Variants in GOLGA5 observed in about 807,000 individuals in gnomAD.
The protein encoded by GOLGA5 is golgin subfamily A member 5.
GOLGA5 carries 50 observed loss-of-function variants against 93.5 expected under a neutral mutation model. The observed-to-expected ratio is 0.53, with a 90% confidence interval of 0.43 to 0.68. The LOEUF is 0.68. Ranked by LOEUF, GOLGA5 falls within the 30% of genes least tolerant of loss-of-function variation. GOLGA5 has a pLI of 0.00. For synonymous variants in GOLGA5, 312 were observed against 304.5 expected (o/e 1.02, Z -0.26); for missense variants, 760 against 856.4 (o/e 0.89, Z 1.40).
Position 92,810,348 on chromosome 14 carries a change from A to G in GOLGA5, c.1087A>G (p.Arg363Gly). Reference sequence around the variant, plus strand: ...GCATGAAGCGGATGCCACTCTGAAGAGAGAGCAGGAGAGCTATAAACAGAT... The same window carrying G: ...GCATGAAGCGGATGCCACTCTGAAGGGAGAGCAGGAGAGCTATAAACAGAT... ...RLHEADATLK[R>G]EQESYKQMQS... is the part of the protein sequence containing the mutation. The change falls in exon 5 of 13, where the codon AGA (arginine) becomes GGA (glycine). Residue 363 changes from arginine (R) to glycine (G), a missense_variant. Coordinates refer to ENST00000163416, the MANE Select transcript of GOLGA5 (RefSeq NM_005113.4). 6.2e-7 allele frequency: 1 copy of G among 1,606,444 alleles called. No individual in the cohort carries two copies. Among genetic ancestry groups the G allele is most frequent in the Non-Finnish European group, 8.5e-7 (1 of 1,177,226 alleles).
rs1267437836 is a variant in GOLGA5 at position 92,837,416 on chromosome 14, C to T, written c.2082C>T (p.Tyr694=). 1 of 1,540,170 alleles carries T rather than the reference C, an allele frequency of 6.5e-7. No homozygotes were observed. The highest frequency in any genetic ancestry group is 9.0e-7 in the Non-Finnish European group (1 of 1,113,262). The change falls in exon 12 of 13, where the codon TAC becomes TAT. Residue 694 remains tyrosine, a synonymous_variant. Coordinates refer to ENST00000163416, the MANE Select transcript of GOLGA5 (RefSeq NM_005113.4). ...SIRLGIFLRR[Y]PIARVFVIIY... is the part of the protein sequence containing the mutation. ...GCCTGGGAATTTTTCTCCGAAGATA[C>T]CCCATAGCGCGAGTTTTTGTAATTA...
chr14:92,795,724 G>A (rs981706345), intron 1 of GOLGA5, among the ~76,000 whole-genome samples: 3 of 68,124 alleles, frequency 4.4e-5, no homozygotes, highest in African/African-American at 2.2e-4. Context: ...AGAACAAGAA[G>A]CATGTTAAAA....
intron 11 of GOLGA5, 84 bp from the exon 12 acceptor site, chr14:92,837,302 G>T: frequency 1.4e-6 from 1 of 695,904 alleles, no homozygotes; most frequent in Non-Finnish European, 2.5e-6. Flanking sequence ...AAATTTATCA[G>T]CATCATTAGA....
chr14:92,832,198 T>G (rs1885544946), intron 9 of GOLGA5, among the ~76,000 whole-genome samples: 1 of 152,150 alleles, frequency 6.6e-6, no homozygotes, highest in South Asian at 2.1e-4. Context: ...GTATGTTGAT[T>G]AGGGGATCAC....
Position 92,833,353 on chromosome 14 carries a change from C to G in GOLGA5, c.1945+6C>G, listed in dbSNP as rs747632333. ...TGGAATTGACAATGGTGAAGGTAAT[C>G]AAAAAAGGAATCTCAAAAGAACATT... On this transcript the variant is annotated splice_donor_region_variant and intron_variant, in intron 10 of 12. Coordinates refer to ENST00000163416, the MANE Select transcript of GOLGA5 (RefSeq NM_005113.4). 1.1e-5 allele frequency: 17 copies of G among 1,507,842 alleles called. No homozygotes were observed. Among genetic ancestry groups the G allele is most frequent in the Admixed American group, 1.0e-4 (6 of 58,238 alleles). The allele number at this position is 1,507,842 out of a possible 1,614,324, so 93.4% of individuals were successfully genotyped here. A position where few individuals can be genotyped will look rare whatever the true frequency, so the allele number is the denominator to read the frequency against.
At chr14:92,818,834 A>G (rs1490008286) in intron 7 of GOLGA5, among the ~76,000 whole-genome samples, 5 of 152,250 alleles carry the variant, frequency 3.3e-5, no homozygotes, top group Admixed American at 3.3e-4. Context: ...GAAAATATAG[A>G]AACCTAGAGC....
chr14:92,830,584 G>C (rs972698479), intron 9 of GOLGA5, among the ~76,000 whole-genome samples: 2 of 151,470 alleles, frequency 1.3e-5, no homozygotes, highest in African/African-American at 4.9e-5. Flanking sequence ...ACAGTATATT[G>C]TAAATACAGC....
chr14:92,813,609 A>T (rs1480477845), intron 6 of GOLGA5, among the ~76,000 whole-genome samples: 1 of 152,226 alleles, frequency 6.6e-6, no homozygotes, highest in Non-Finnish European at 1.5e-5. Flanking sequence ...GATGGGAGGC[A>T]AAAGACTCAT....
chr14:92,836,930 G>A (rs1298698071), intron 11 of GOLGA5, among the ~76,000 whole-genome samples: 1 of 152,120 alleles, frequency 6.6e-6, no homozygotes, highest in Non-Finnish European at 1.5e-5. Context: ...AGCCAGGCGT[G>A]GTGGTAGTGG....
At chr14:92,816,487 T>G (rs1290307078) in intron 7 of GOLGA5, 66 bp downstream of exon 7, 1 of 1,337,982 alleles carries the variant, frequency 7.5e-7, no homozygotes, top group Non-Finnish European at 1.1e-6. Context: ...GTTTGAGAGG[T>G]GGGGAAACAG....
At chr14:92,837,333 T>C in intron 11 of GOLGA5, 53 bp from the exon 12 acceptor site, 1 of 855,446 alleles carries the variant, frequency 1.2e-6, no homozygotes, top group Admixed American at 2.2e-5. Context: ...GGAAGATTTG[T>C]TTTGACTGTG....
At chr14:92,823,930 A>G (rs1885365528) in intron 8 of GOLGA5, among the ~76,000 whole-genome samples, 1 of 152,050 alleles carries the variant, frequency 6.6e-6, no homozygotes, top group Non-Finnish European at 1.5e-5. Flanking sequence ...GTTTTAAAGT[A>G]TTCTTTATAT....
intron 11 of GOLGA5, among the ~76,000 whole-genome samples, chr14:92,837,020 G>A (rs1288496887): frequency 2.0e-5 from 3 of 151,746 alleles, no homozygotes; most frequent in Non-Finnish European, 4.4e-5. Context: ...GCCGTGGGCA[G>A]AGATCGCGCC....
intron 8 of GOLGA5, among the ~76,000 whole-genome samples, chr14:92,821,538 A>G (rs1595599761): frequency 6.6e-6 from 1 of 152,294 alleles, no homozygotes; most frequent in East Asian, 1.9e-4. Context: ...CTTATTTCCT[A>G]CTCACAAGTA....
chr14:92,802,679 G>T (rs1319030870), intron 2 of GOLGA5, among the ~76,000 whole-genome samples: 31 of 151,252 alleles, frequency 2.0e-4, no homozygotes, highest in Admixed American at 2.0e-3. Flanking sequence ...CTCTACCCTT[G>T]GAGATAATAT....
chr14:92,809,749 T>C (rs186744516), intron 4 of GOLGA5, among the ~76,000 whole-genome samples: 147 of 152,072 alleles, frequency 9.7e-4, no homozygotes, highest in Non-Finnish European at 1.3e-3. Flanking sequence ...AGGTTGGGAG[T>C]TCGAGACCAG....
At chr14:92,834,672 A>T (rs1321335670) in intron 10 of GOLGA5, among the ~76,000 whole-genome samples, 2 of 152,232 alleles carry the variant, frequency 1.3e-5, no homozygotes, top group Non-Finnish European at 2.9e-5. Context: ...AGCTTAGAAT[A>T]GGCCGTTGAG....
intron 9 of GOLGA5, 46 bp downstream of exon 9, chr14:92,824,690 G>C (rs1197386745): frequency 1.0e-6 from 1 of 988,202 alleles, no homozygotes; most frequent in Admixed American, 2.0e-5. Flanking sequence ...CACTGATAAA[G>C]CTACATTTTT....
At chr14:92,802,881 C>G (rs939634053) in intron 2 of GOLGA5, among the ~76,000 whole-genome samples, 6 of 152,018 alleles carry the variant, frequency 3.9e-5, no homozygotes, top group Non-Finnish European at 5.9e-5. Flanking sequence ...CCTCCCACTT[C>G]CTCCTCCCAA....
Sources: gnomAD v4.1 joint callset for allele counts (sites outside exome capture counted in the v4.1 genomes callset) on GRCh38, gnomAD v4.1.1 for gene constraint, MANE v1.5 for transcripts, NCBI Gene and HGNC (gene_info 2026-07-23, HGNC 2026-07-21) for gene names.